Variants in KCNT2 observed in about 807,000 individuals in gnomAD.
KCNT2 encodes potassium sodium-activated channel subfamily T member 2.
A neutral mutation model predicts 153.8 loss-of-function variants in KCNT2; 67 were observed. The ratio of observed to expected loss-of-function variants is 0.44; its 90% CI spans 0.36 to 0.53. The LOEUF is 0.53. KCNT2 is among the 20% of genes least tolerant of loss of function. The pLI, the probability that KCNT2 is intolerant of heterozygous loss-of-function variation, is 0.00. For missense variants in KCNT2, 975 were observed against 1,354.8 expected (o/e 0.72, Z 4.40); for synonymous variants, 500 against 458.8 (o/e 1.09, Z -1.15).
chr1:196,419,961 C>A (rs531488910), intron 12 of KCNT2, among the ~76,000 whole-genome samples: 2 of 152,036 alleles, frequency 1.3e-5, no homozygotes, highest in South Asian at 4.1e-4. Flanking sequence ...TTATGTCTTT[C>A]ATAATATTCT....
intron 1 of KCNT2, among the ~76,000 whole-genome samples, chr1:196,577,222 C>A (rs1661472931): frequency 6.6e-6 from 1 of 152,086 alleles, no homozygotes; most frequent in Non-Finnish European, 1.5e-5. Flanking sequence ...CCCAAAACAA[C>A]AACAACAACA....
At chr1:196,382,820 C>CA (rs968278312) in intron 13 of KCNT2, among the ~76,000 whole-genome samples, 10 of 151,162 alleles carry the variant, frequency 6.6e-5, no homozygotes, top group South Asian at 4.2e-4. Flanking sequence ...AAGAAAAAAA[C>CA]AAAAAAACAC....
intron 14 of KCNT2, among the ~76,000 whole-genome samples, chr1:196,351,176 T>A (rs1485168356): frequency 2.0e-5 from 3 of 152,202 alleles, no homozygotes; most frequent in South Asian, 2.1e-4. Flanking sequence ...ACAATTGACT[T>A]GGTGATGCGG....
At chr1:196,323,564 A>G (rs1663542868) in intron 19 of KCNT2, among the ~76,000 whole-genome samples, 1 of 151,948 alleles carries the variant, frequency 6.6e-6, no homozygotes, top group Non-Finnish European at 1.5e-5. Flanking sequence ...ACTGAGTTTT[A>G]TTTAATTACC....
At chr1:196,548,219 C>T (rs1657378721) in intron 1 of KCNT2, among the ~76,000 whole-genome samples, 1 of 151,886 alleles carries the variant, frequency 6.6e-6, no homozygotes, top group African/African-American at 2.4e-5. Flanking sequence ...TATTCCTTTA[C>T]CTGCTATATT....
At chr1:196,523,952 G>T (rs920534711) in intron 1 of KCNT2, among the ~76,000 whole-genome samples, 2 of 152,084 alleles carry the variant, frequency 1.3e-5, no homozygotes, top group African/African-American at 4.8e-5. Context: ...CTCATTATAG[G>T]TTAACTTCCT....
chr1:196,370,139 A>G (rs1322415112), intron 14 of KCNT2, among the ~76,000 whole-genome samples: 2 of 152,162 alleles, frequency 1.3e-5, no homozygotes, highest in Non-Finnish European at 2.9e-5. Flanking sequence ...AAACTAGTTC[A>G]ACCATTGTGG....
chr1:196,248,147 G>A (rs1384766734), intron 26 of KCNT2, among the ~76,000 whole-genome samples: 1 of 152,000 alleles, frequency 6.6e-6, no homozygotes, highest in East Asian at 1.9e-4. Context: ...TACAATGAAA[G>A]CGGCACTTAG....
At chr1:196,572,050 TA>T (rs1373100382) in intron 1 of KCNT2, among the ~76,000 whole-genome samples, 1 of 152,078 alleles carries the variant, frequency 6.6e-6, no homozygotes, top group Non-Finnish European at 1.5e-5. Flanking sequence ...TTGTCTCACA[TA>T]AGGCTCAGAT....
chr1:196,338,603 G>T (rs991590531), intron 16 of KCNT2, among the ~76,000 whole-genome samples: 1 of 151,720 alleles, frequency 6.6e-6, no homozygotes, highest in African/African-American at 2.4e-5. Context: ...TTTTCCAATG[G>T]GTAGTATAAA....
chr1:196,520,981 C>T (rs1189900447), intron 1 of KCNT2, among the ~76,000 whole-genome samples: 1 of 152,078 alleles, frequency 6.6e-6, no homozygotes, highest in African/African-American at 2.4e-5. Flanking sequence ...TTCTGCTCAG[C>T]AAAATAAACT....
At chr1:196,230,467 A>G (rs571366546) in intron 27 of KCNT2, among the ~76,000 whole-genome samples, 1 of 152,138 alleles carries the variant, frequency 6.6e-6, no homozygotes, top group African/African-American at 2.4e-5. Context: ...GTACAATGAG[A>G]TTAGTATTGT....
chr1:196,412,380 G>T (rs994832072), intron 12 of KCNT2, among the ~76,000 whole-genome samples: 7 of 151,642 alleles, frequency 4.6e-5, no homozygotes, highest in African/African-American at 1.7e-4. Context: ...TTGGGGTACA[G>T]AATACTCAAT....
rs1663896569 is a variant in KCNT2 at position 196,326,712 on chromosome 1, C to T, written c.2276+5G>A. 3 of 1,484,846 alleles carry T rather than the reference C, an allele frequency of 2.0e-6. No individual in the cohort carries two copies. The highest frequency in any genetic ancestry group is 2.7e-6 in the Non-Finnish European group (3 of 1,115,318). 92.0% of individuals were successfully genotyped at this position (1,484,846 alleles called of 1,614,324 possible). On this transcript the variant is annotated splice_donor_5th_base_variant and intron_variant, in intron 19 of 27. Coordinates refer to ENST00000294725, the MANE Select transcript of KCNT2 (RefSeq NM_198503.5). ...TCTTGTTTGTGTATCTTAAAATATACTTACGGGTTATCCAATAGCAGTACT... is the reference window on the plus strand; with the variant it reads ...TCTTGTTTGTGTATCTTAAAATATATTTACGGGTTATCCAATAGCAGTACT...
chr1:196,351,766 C>A (rs1666723912), intron 14 of KCNT2, among the ~76,000 whole-genome samples: 1 of 152,158 alleles, frequency 6.6e-6, no homozygotes, highest in African/African-American at 2.4e-5. Context: ...TGAGACAGGG[C>A]ATCCCTGTCT....
chr1:196,432,726 G>A (rs1674272555), intron 8 of KCNT2, among the ~76,000 whole-genome samples: 1 of 152,098 alleles, frequency 6.6e-6, no homozygotes, highest in Non-Finnish European at 1.5e-5. Context: ...CACAGCTGAA[G>A]AGTAATTTGC....
At chr1:196,392,433 T>C (rs751249288) in intron 13 of KCNT2, among the ~76,000 whole-genome samples, 2 of 151,436 alleles carry the variant, frequency 1.3e-5, no homozygotes, top group Non-Finnish European at 3.0e-5. Context: ...ATATAACAAC[T>C]CTAAGCATTA....
intron 8 of KCNT2, among the ~76,000 whole-genome samples, chr1:196,450,121 C>A (rs1206617424): frequency 1.3e-5 from 2 of 151,826 alleles, no homozygotes; most frequent in South Asian, 2.1e-4. Context: ...ATTCTCATTG[C>A]ATTTTCACTC....
intron 1 of KCNT2, among the ~76,000 whole-genome samples, chr1:196,570,453 G>A (rs1343958391): frequency 6.6e-6 from 1 of 152,010 alleles, no homozygotes; most frequent in Non-Finnish European, 1.5e-5. Context: ...ATACTTGTGG[G>A]AACCTCATCC....
Sources: gnomAD v4.1 joint callset for allele counts (sites outside exome capture counted in the v4.1 genomes callset) on GRCh38, gnomAD v4.1.1 for gene constraint, MANE v1.5 for transcripts, NCBI Gene and HGNC (gene_info 2026-07-23, HGNC 2026-07-21) for gene names.